Variants in FAM234A observed in about 807,000 individuals in gnomAD.
FAM234A encodes the protein protein FAM234A.
In FAM234A, 42 loss-of-function variants were observed where a neutral mutation model predicts 49.1. That is an observed-to-expected ratio of 0.86 (90% CI 0.67 to 1.11). The LOEUF (loss-of-function observed/expected upper bound fraction) is 1.11. Among genes scored for constraint, FAM234A ranks in the 50% least tolerant of loss-of-function variants. FAM234A has a pLI of 0.00. For missense variants in FAM234A, 815 were observed against 745.2 expected, an observed-to-expected ratio of 1.09 and a Z score of -1.09; for synonymous variants, 369 against 316.2, an observed-to-expected ratio of 1.17 and a Z score of -1.77.
At chr16:244,522 T>TA (rs1246584441) in intron 1 of FAM234A, among the ~76,000 whole-genome samples, 1 of 152,088 alleles carries the variant, frequency 6.6e-6, no homozygotes, top group Non-Finnish European at 1.5e-5. Context: ...CTCTAAAACT[T>TA]ACATGAACCT....
chr16:251,971 C>G (rs1304192699), intron 2 of FAM234A, among the ~76,000 whole-genome samples: 2 of 140,952 alleles, frequency 1.4e-5, no homozygotes, highest in South Asian at 2.2e-4. Context: ...CCACTGCACT[C>G]TAGCCTGGGC....
chr16:253,147 C>T (rs1219521040), intron 2 of FAM234A, among the ~76,000 whole-genome samples: 2 of 152,182 alleles, frequency 1.3e-5, no homozygotes, highest in African/African-American at 2.4e-5. Context: ...GTGCCTTTCC[C>T]ATGTTCAAAT....
At chr16:256,477 G>T (rs2051237534) in intron 3 of FAM234A, among the ~76,000 whole-genome samples, 1 of 151,978 alleles carries the variant, frequency 6.6e-6, no homozygotes, top group Non-Finnish European at 1.5e-5. Context: ...ATCTTCTTTG[G>T]TGAATGTCTA....
chr16:264,031 C>T lies in FAM234A; in HGVS notation c.1204C>T (p.Leu402Phe), dbSNP rs1442388750. Reference protein sequence around the residue: ...GTDRQILFLDLGTGAVLCSLA... With the variant: ...GTDRQILFLDFGTGAVLCSLA... ...CCCTCCCCAGATCCTGTTTCTGGAC[C>T]TTGGCACTGGAGCCGTCCTGTGTAG... Residue 402 changes from leucine (L) to phenylalanine (F), a missense_variant, in exon 11 of 13, where the codon CTT becomes TTT. Transcript: ENST00000399932. 3.7e-6 allele frequency: 6 copies of T among 1,612,896 alleles called. No homozygotes were observed. The highest frequency in any genetic ancestry group is 8.5e-7 in the Non-Finnish European group (1 of 1,179,758).
At chr16:269,474 G>A (rs201992208), downstream of FAM234A, 558 of 1,607,786 alleles carry the variant, frequency 3.5e-4, 1 homozygote, top group Non-Finnish European at 4.4e-4. Flanking sequence ...GGCCACAGCC[G>A]CCGGCCACAG....
intron 1 of FAM234A, among the ~76,000 whole-genome samples, chr16:235,119 T>A (rs1596716232): frequency 6.6e-6 from 1 of 152,112 alleles, no homozygotes. Flanking sequence ...GCAGCCTGGG[T>A]TTCAGTGGCA....
downstream of FAM234A, among the ~76,000 whole-genome samples, chr16:268,078 G>A (rs72765825): frequency 0.12 from 16,658 of 135,292 alleles, 1,046 homozygotes; most frequent in East Asian, 0.31. Flanking sequence ...CATGCTATGC[G>A]TACACACACT....
chr16:265,256 A>G lies in FAM234A; in HGVS notation c.*234A>G. The G allele has an allele frequency of 7.4e-7, 1 of 1,357,322 alleles. No homozygotes were observed. Among genetic ancestry groups the G allele is most frequent in the Non-Finnish European group, 9.5e-7 (1 of 1,056,150 alleles). 84.1% of individuals were successfully genotyped at this position (1,357,322 alleles called of 1,614,324 possible). On this transcript the variant is annotated 3_prime_UTR_variant, in exon 13 of 13. Transcript: ENST00000399932. ...CAGCATCCTCCCTGAGTCCCCACAC[A>G]GGGCCTCACTCTGCACCCCACCAGG...
intron 1 of FAM234A, among the ~76,000 whole-genome samples, chr16:240,747 C>T (rs753577926): frequency 2.6e-5 from 4 of 152,234 alleles, no homozygotes; most frequent in Non-Finnish European, 5.9e-5. Context: ...AGTGATCCAG[C>T]CGCCTAGGCC....
At chr16:262,020 C>T in intron 6 of FAM234A, 73 bp from the exon 7 acceptor site, 17 of 1,516,704 alleles carry the variant, frequency 1.1e-5, no homozygotes, top group Non-Finnish European at 1.5e-5. Context: ...AGGTCCTTCT[C>T]TTCCTGGGCC....
downstream of FAM234A, among the ~76,000 whole-genome samples, chr16:266,796 C>A (rs548655509): frequency 7.2e-5 from 11 of 152,198 alleles, no homozygotes; most frequent in Non-Finnish European, 1.5e-4. Flanking sequence ...GCTCTGCGGA[C>A]GCGTCCTATA....
chr16:241,045 G>A (rs575303671), intron 1 of FAM234A, among the ~76,000 whole-genome samples: 13 of 152,016 alleles, frequency 8.6e-5, no homozygotes, highest in East Asian at 3.9e-4. Context: ...TCAGTCTCTC[G>A]CACAGCTGGG....
intron 1 of FAM234A, among the ~76,000 whole-genome samples, chr16:237,843 A>G (rs1486680261): frequency 6.7e-6 from 1 of 149,726 alleles, no homozygotes; most frequent in East Asian, 2.0e-4. Context: ...AGCTGGGACT[A>G]CAAGCACGTA....
In FAM234A at chr16:253,021, G is replaced by T. The variant is rs12051125; in HGVS notation, c.-33-1360G>T. 5.2e-3 allele frequency among the ~76,000 whole-genome samples: 790 copies of T among 152,342 alleles called. 41 individuals carry two copies. The East Asian group carries it at 0.11, about 22-fold the overall frequency. ...GGACATCGGTTTGGTTGTTTAAAAGGAACCAAAATAACAAAAATCTTGCCT... is the reference window on the plus strand; with the variant it reads ...GGACATCGGTTTGGTTGTTTAAAAGTAACCAAAATAACAAAAATCTTGCCT... On this transcript the variant is annotated intron_variant, in intron 2 of 12. Coordinates refer to ENST00000399932, the MANE Select transcript of FAM234A (RefSeq NM_032039.4).
chr16:249,054 T>C lies in FAM234A; in HGVS notation c.-139-495T>C, dbSNP rs150189458. 1.4e-4 allele frequency among the ~76,000 whole-genome samples: 22 copies of C among 152,136 alleles called. 1 individual carries two copies. The highest frequency in any genetic ancestry group is 3.9e-4 in the African/African-American group (16 of 41,392). On this transcript the variant is annotated intron_variant, in intron 1 of 12. Coordinates refer to ENST00000399932, the MANE Select transcript of FAM234A (RefSeq NM_032039.4). ...AGAAGGATTAAGAAAGGGAGTGATA[T>C]AATTTACTAGCTTGAGGTCTGCATT...
At chr16:263,446 C>T (rs1172484605) in intron 9 of FAM234A, 44 bp downstream of exon 9, 1 of 1,595,704 alleles carries the variant, frequency 6.3e-7, no homozygotes, top group East Asian at 2.2e-5. Flanking sequence ...GCACCCCTTC[C>T]CGGCATCCCG....
intron 6 of FAM234A, among the ~76,000 whole-genome samples, chr16:261,872 T>C (rs983880570): frequency 6.6e-6 from 1 of 152,218 alleles, no homozygotes; most frequent in Non-Finnish European, 1.5e-5. Context: ...TGGCAGACTC[T>C]CTGATGTCAG....
intron 1 of FAM234A, among the ~76,000 whole-genome samples, chr16:237,353 A>G (rs920037370): frequency 6.6e-6 from 1 of 152,184 alleles, no homozygotes; most frequent in Non-Finnish European, 1.5e-5. Flanking sequence ...TCAGTGGCTT[A>G]TCTGGGTGAT....
chr16:244,190 G>C (rs55985014), intron 1 of FAM234A, among the ~76,000 whole-genome samples: 20,984 of 152,106 alleles, frequency 0.14, 1,727 homozygotes, highest in Middle Eastern at 0.18. Flanking sequence ...GGATGGTCTC[G>C]ATCTCCTGAC....
Sources: allele counts gnomAD v4.1 joint callset (sites outside exome capture counted in the v4.1 genomes callset), GRCh38; gene constraint gnomAD v4.1.1; transcripts MANE v1.5; gene names NCBI Gene and HGNC (gene_info 2026-07-23, HGNC 2026-07-21).